Variants in DDB1 observed in about 807,000 individuals in gnomAD.
DDB1 encodes the protein damage specific DNA binding protein 1, also known as DNA damage-binding protein 1.
DDB1 carries 18 observed loss-of-function variants against 133.1 expected under a neutral mutation model. That is an observed-to-expected ratio of 0.14 (90% CI 0.09 to 0.20). The LOEUF (loss-of-function observed/expected upper bound fraction) is 0.20, where lower values mean the gene tolerates loss of function less well. DDB1 is among the 10% of genes least tolerant of loss of function. DDB1 has a pLI of 1.00. For synonymous variants in DDB1, 580 were observed against 550.5 expected, an observed-to-expected ratio of 1.05 and a Z score of -0.75; for missense variants, 828 against 1,459.2, an observed-to-expected ratio of 0.57 and a Z score of 7.05.
intron 9 of DDB1, 149 bp downstream of exon 9, chr11:61,322,147 A>G (rs1358556033): frequency 1.9e-5 from 13 of 698,086 alleles, no homozygotes; most frequent in Non-Finnish European, 2.8e-5. Flanking sequence ...GGCACTCAAT[A>G]AACAGTAGTT....
chr11:61,329,871 A>G, intron 3 of DDB1, 87 bp downstream of exon 3: 1 of 1,143,076 alleles, frequency 8.7e-7, no homozygotes, highest in South Asian at 1.4e-5. Flanking sequence ...GATCGAATAG[A>G]GAGCTGCCCC....
intron 22 of DDB1, among the ~76,000 whole-genome samples, 161 bp downstream of exon 22, chr11:61,303,700 CAAAA>C (rs59840297): frequency 6.3e-3 from 279 of 44,238 alleles, no homozygotes; most frequent in African/African-American, 0.018. Context: ...GACTGCGTCT[CAAAA>C]AAAAAAAAAA....
rs1001905258 is a variant in DDB1 at position 61,303,725 on chromosome 11, C to T, written c.2832+140G>A. The T allele has an allele frequency of 2.5e-3, 591 of 239,978 alleles. 6 individuals carry two copies. Among genetic ancestry groups the T allele is most frequent in the Non-Finnish European group, 3.8e-3 (521 of 135,610 alleles). 14.9% of individuals were successfully genotyped at this position (239,978 alleles called of 1,614,324 possible). On this transcript the variant is annotated intron_variant, in intron 22 of 26. Transcript: ENST00000301764. ...CAAAAAAAAAAAAAAAAAAAAAAAA[C>T]TTAATCAATGTAGAATGTCTGCTCC...
At chr11:61,317,185 C>A (rs78635899) in intron 10 of DDB1, among the ~76,000 whole-genome samples, 54 of 151,932 alleles carry the variant, frequency 3.6e-4, no homozygotes, top group East Asian at 1.2e-3. Context: ...CCGATCTCAG[C>A]TCACTGCAAG....
chr11:61,328,673 C>T (rs555783587), intron 4 of DDB1, among the ~76,000 whole-genome samples: 4 of 152,124 alleles, frequency 2.6e-5, no homozygotes, highest in Admixed American at 6.5e-5. Flanking sequence ...GAGTTTGAGA[C>T]GATTCTGGCC....
intron 6 of DDB1, 51 bp from the exon 7 acceptor site, chr11:61,324,188 GA>G (rs758843361): frequency 1.1e-4 from 170 of 1,608,806 alleles, no homozygotes; most frequent in Middle Eastern, 5.6e-4. Context: ...TTCTACACCA[GA>G]AAACAAACCC....
intron 10 of DDB1, among the ~76,000 whole-genome samples, chr11:61,317,610 G>A (rs185170206): frequency 1.9e-3 from 292 of 150,888 alleles, no homozygotes; most frequent in Admixed American, 3.9e-3. Flanking sequence ...GGGTTCAAGC[G>A]ATTCTCCTGC....
Position 61,300,036 on chromosome 11 carries a change from A to G in DDB1, c.*100T>C. 8.1e-7 allele frequency: 1 copy of G among 1,234,994 alleles called. No homozygotes were observed. Among genetic ancestry groups the G allele is most frequent in the East Asian group, 2.4e-5 (1 of 42,446 alleles). 76.5% of individuals were successfully genotyped at this position (1,234,994 alleles called of 1,614,324 possible). A position where few individuals can be genotyped will look rare whatever the true frequency, so the allele number is the denominator to read the frequency against. On this transcript the variant is annotated 3_prime_UTR_variant, in exon 27 of 27. Transcript: ENST00000301764. ...GGCTCTGGGGGCAGCTGGCTTAGGGAAAGGCCTCCCATGGCCAAGAAGACG... is the reference window on the plus strand; with the variant it reads ...GGCTCTGGGGGCAGCTGGCTTAGGGGAAGGCCTCCCATGGCCAAGAAGACG...
At chr11:61,310,051 A>G in intron 19 of DDB1, 91 bp from the exon 20 acceptor site, 1 of 1,555,256 alleles carries the variant, frequency 6.4e-7, no homozygotes, top group Non-Finnish European at 8.9e-7. Flanking sequence ...TGGCTTAGGC[A>G]GTGACAAAGC....
At position 61,314,175 on chromosome 11, in the gene DDB1, T is replaced by C; in HGVS notation, c.1625A>G (p.Asp542Gly). The change falls in exon 14 of 27, where the codon GAC becomes GGC. Residue 542 changes from aspartate to glycine, a missense_variant. Coordinates refer to ENST00000301764, the MANE Select transcript of DDB1 (RefSeq NM_001923.5). ...TEMEHEVACL[D>G]ITPLGDSNGL... ...ATTGCTGTCTCCTAATGGGGTGATG[T>C]CCAAGCAAGCCACTTCATGTTCCAT... The C allele has an allele frequency of 6.2e-7, 1 of 1,610,908 alleles. No homozygotes were observed. The highest frequency in any genetic ancestry group is 8.5e-7 in the Non-Finnish European group (1 of 1,178,436).
At chr11:61,306,154 T>A (rs940478639) in intron 21 of DDB1, among the ~76,000 whole-genome samples, 2 of 152,202 alleles carry the variant, frequency 1.3e-5, no homozygotes, top group Non-Finnish European at 2.9e-5. Flanking sequence ...ACCCTCCTGA[T>A]CCCTGTGCCC....
In DDB1 at chr11:61,329,970, A is replaced by T. The variant is rs1856339359; in HGVS notation, c.315T>A (p.His105Gln). Residue 105 changes from histidine (H) to glutamine (Q), a missense_variant, in exon 3 of 27, where the codon CAT (histidine) becomes CAA (glutamine). Physicochemically the swap from His to Gln is conservative, Grantham distance 24 (BLOSUM62 0). Coordinates refer to ENST00000301764, the MANE Select transcript of DDB1 (RefSeq NM_001923.5). ...GCAGCCACCTCACCTGGACATTGCC[A>T]TGGGCTCGCGTAATGATGTCAATGC... is the stretch of plus-strand genomic sequence containing the variant. ...GESIDIITRAHGNVQDRIGRP... is the reference protein window; with the variant it reads ...GESIDIITRAQGNVQDRIGRP... The T allele has an allele frequency of 6.2e-7, 1 of 1,612,724 alleles. No homozygotes were observed. The highest frequency in any genetic ancestry group is 1.1e-5 in the South Asian group (1 of 91,028).
At chr11:61,309,111 G>A in intron 20 of DDB1, 34 bp from the exon 21 acceptor site, 1 of 1,595,444 alleles carries the variant, frequency 6.3e-7, no homozygotes, top group South Asian at 1.1e-5. Flanking sequence ...GAGTCTCTAT[G>A]AGCCCACACT....
In DDB1 at chr11:61,309,768, TCAGAAACTG is replaced by T; in HGVS notation, c.2566+19_2566+27del. 1 of 1,601,682 alleles carries T rather than the reference TCAGAAACTG, an allele frequency of 6.2e-7. No individual in the cohort carries two copies. On this transcript the variant is annotated intron_variant, in intron 20 of 26. Transcript: ENST00000301764. Reference sequence around the variant, plus strand: ...TGACTTTCTCAGCATTTCACATCCCTCAGAAACTGGAGACTGCGCCCACTTACCATCCGA... The same window carrying T: ...TGACTTTCTCAGCATTTCACATCCCTGAGACTGCGCCCACTTACCATCCGA...
intron 21 of DDB1, among the ~76,000 whole-genome samples, chr11:61,308,328 G>A (rs1855909422): frequency 6.6e-6 from 1 of 152,108 alleles, no homozygotes; most frequent in South Asian, 2.1e-4. Flanking sequence ...CTGCTCAAAT[G>A]CCACTGTGTA....
intron 21 of DDB1, among the ~76,000 whole-genome samples, chr11:61,306,941 A>G (rs780443141): frequency 2.6e-5 from 4 of 152,144 alleles, no homozygotes; most frequent in Non-Finnish European, 4.4e-5. Flanking sequence ...TAAAACAATG[A>G]ATTCATCCCT....
At chr11:61,316,254 T>G in intron 12 of DDB1, 31 bp downstream of exon 12, 4 of 1,593,654 alleles carry the variant, frequency 2.5e-6, no homozygotes, top group Non-Finnish European at 3.4e-6. Flanking sequence ...TTCAAGTATA[T>G]GGTAACACCT....
chr11:61,324,652 T>C (rs1281470489), intron 6 of DDB1, among the ~76,000 whole-genome samples: 2 of 152,202 alleles, frequency 1.3e-5, no homozygotes, highest in African/African-American at 2.4e-5. Flanking sequence ...CCCAAGTGGC[T>C]AGTACTACAG....
Position 61,326,902 on chromosome 11 carries a change from G to T in DDB1, c.550-9C>A. 1 of 1,607,604 alleles carries T rather than the reference G, an allele frequency of 6.2e-7. No individual in the cohort carries two copies. The highest frequency in any genetic ancestry group is 8.5e-7 in the Non-Finnish European group (1 of 1,174,110). On this transcript the variant is annotated splice_polypyrimidine_tract_variant and intron_variant, in intron 4 of 26. Transcript: ENST00000301764. ...TGCCGCCCCTGAGGGTCCTGGGGGG[G>T]AAAGGTAAAATGGTTAGCCCTTAGG...
Sources: allele counts gnomAD v4.1 joint callset (sites outside exome capture counted in the v4.1 genomes callset), GRCh38; gene constraint gnomAD v4.1.1; transcripts MANE v1.5; gene names NCBI Gene and HGNC (gene_info 2026-07-23, HGNC 2026-07-21).